Variants in EGFR observed in about 807,000 individuals in gnomAD.
EGFR encodes the protein avian erythroblastic leukemia viral (v-erb-b) oncogene homolog.
Under a neutral mutation model 143.0 loss-of-function variants are expected in EGFR, and 58 were observed. That is an observed-to-expected ratio of 0.41 (90% CI 0.33 to 0.50). The LOEUF (loss-of-function observed/expected upper bound fraction) is 0.50, where lower values mean the gene tolerates loss of function less well. EGFR is among the 20% of genes least tolerant of loss of function. The probability of loss-of-function intolerance (pLI) is 0.39; values close to 1 mark genes in which losing one functional copy is unlikely to be tolerated. For synonymous variants in EGFR, 613 were observed against 594.4 expected, an observed-to-expected ratio of 1.03 and a Z score of -0.45; for missense variants, 1,307 against 1,579.0, an observed-to-expected ratio of 0.83 and a Z score of 2.92.
At chr7:55,070,630 C>A (rs867392821) in intron 1 of EGFR, among the ~76,000 whole-genome samples, 2 of 152,226 alleles carry the variant, frequency 1.3e-5, no homozygotes, top group Non-Finnish European at 2.9e-5. Context: ...ACAGATTAGA[C>A]GACTGGGATG....
At chr7:55,190,086 G>A (rs1433140861) in intron 20 of EGFR, among the ~76,000 whole-genome samples, 3 of 152,144 alleles carry the variant, frequency 2.0e-5, no homozygotes, top group Non-Finnish European at 4.4e-5. Flanking sequence ...CAGGGAGTCT[G>A]GGCCAGTCCT....
chr7:55,190,269 C>A (rs769683791), intron 20 of EGFR, among the ~76,000 whole-genome samples: 1 of 151,978 alleles, frequency 6.6e-6, no homozygotes, highest in African/African-American at 2.4e-5. Flanking sequence ...CCCGTAGGAG[C>A]GCTCTCGGCA....
intron 1 of EGFR, among the ~76,000 whole-genome samples, chr7:55,059,995 G>A (rs991437267): frequency 2.6e-5 from 4 of 152,230 alleles, no homozygotes; most frequent in Non-Finnish European, 5.9e-5. Flanking sequence ...GGTCCTCTCA[G>A]TGTGGACTGG....
At chr7:55,089,108 GTA>G (rs10581499) in intron 1 of EGFR, among the ~76,000 whole-genome samples, 40,730 of 151,906 alleles carry the variant, frequency 0.27, 7,480 homozygotes, top group East Asian at 0.86. Context: ...TTATATTTTT[GTA>G]TATATGAGCT....
chr7:55,200,453 T>A (rs2128970118), intron 24 of EGFR, 40 bp downstream of exon 24: 8 of 1,572,364 alleles, frequency 5.1e-6, no homozygotes, highest in Non-Finnish European at 7.0e-6. Flanking sequence ...GAAGAGTCCC[T>A]CTAATGAGCA....
Position 55,207,141 on chromosome 7 carries a change from T to C in EGFR, c.*1524T>C, listed in dbSNP as rs531507773. The C allele has an allele frequency of 4.3e-6, 1 of 232,686 alleles. No homozygotes were observed. The highest frequency in any genetic ancestry group is 6.1e-5 in the East Asian group (1 of 16,478). The allele number at this position is 232,686 out of a possible 1,614,324, so 14.4% of individuals were successfully genotyped here. On this transcript the variant is annotated 3_prime_UTR_variant, in exon 28 of 28. Transcript: ENST00000275493. ...ACTCTCCTAGTCAATATCCACCCCA[T>C]CCAATTTATCAAGGAAGAAATGGTT...
At chr7:55,124,801 T>C (rs1203993092) in intron 1 of EGFR, among the ~76,000 whole-genome samples, 1 of 152,218 alleles carries the variant, frequency 6.6e-6, no homozygotes, top group Non-Finnish European at 1.5e-5. Context: ...GTGCTCCTAC[T>C]ACCATACTCA....
intron 1 of EGFR, among the ~76,000 whole-genome samples, chr7:55,094,639 C>A (rs536544661): frequency 6.6e-6 from 1 of 152,240 alleles, no homozygotes; most frequent in African/African-American, 2.4e-5. Context: ...TTTCTAACTT[C>A]TCCTTTCACA....
At chr7:55,038,228 TG>T (rs1332207223) in intron 1 of EGFR, among the ~76,000 whole-genome samples, 2 of 152,192 alleles carry the variant, frequency 1.3e-5, no homozygotes, top group African/African-American at 4.8e-5. Context: ...GCCGAGTCCT[TG>T]TGGACCCACA....
intron 1 of EGFR, among the ~76,000 whole-genome samples, chr7:55,046,814 C>T (rs902780464): frequency 1.3e-5 from 2 of 152,122 alleles, no homozygotes; most frequent in African/African-American, 2.4e-5. Context: ...GTCACAATGG[C>T]AATTAGATTT....
intron 1 of EGFR, among the ~76,000 whole-genome samples, chr7:55,055,292 A>T (rs1788742375): frequency 1.3e-5 from 2 of 152,156 alleles, no homozygotes; most frequent in African/African-American, 4.8e-5. Context: ...TTGGTCCAAG[A>T]ATTCTATTAC....
rs748248105 is a variant in EGFR at position 55,182,109 on chromosome 7, G to A, written c.2469+631G>A. The A allele has an allele frequency of 3.6e-4, 57 of 159,342 alleles. 1 individual carries two copies. The highest frequency in any genetic ancestry group is 3.3e-3 in the Middle Eastern group (1 of 304). The allele number at this position is 159,342 out of a possible 1,614,324, so 9.9% of individuals were successfully genotyped here. A position where few individuals can be genotyped will look rare whatever the true frequency, so the allele number is the denominator to read the frequency against. ...AAGCCAGGTATTTCACAGCTGGTGC[G>A]GACCCAGAAAGACTTCTGCTTTTGC... is the stretch of plus-strand genomic sequence containing the variant. On this transcript the variant is annotated intron_variant, in intron 20 of 27. Coordinates refer to ENST00000275493, the MANE Select transcript of EGFR (RefSeq NM_005228.5).
chr7:55,194,772 G>A (rs963862938), intron 22 of EGFR, among the ~76,000 whole-genome samples: 5 of 152,220 alleles, frequency 3.3e-5, no homozygotes, highest in African/African-American at 1.2e-4. Context: ...CAGGAAGTCC[G>A]TTCCCACTGA....
intron 1 of EGFR, among the ~76,000 whole-genome samples, chr7:55,085,526 T>C (rs1341125920): frequency 6.6e-6 from 1 of 152,202 alleles, no homozygotes; most frequent in African/African-American, 2.4e-5. Flanking sequence ...TAAAGTATTA[T>C]CATGAAAACC....
At chr7:55,086,463 GA>G (rs1790766961) in intron 1 of EGFR, among the ~76,000 whole-genome samples, 1 of 152,222 alleles carries the variant, frequency 6.6e-6, no homozygotes, top group Non-Finnish European at 1.5e-5. Context: ...CAGCTTCTTG[GA>G]ATAAGACCAA....
At chr7:55,174,100 G>A (rs1786484780) in intron 18 of EGFR, 57 bp downstream of exon 18, 4 of 1,611,246 alleles carry the variant, frequency 2.5e-6, no homozygotes, top group Non-Finnish European at 3.4e-6. Flanking sequence ...ATGGTCTGGT[G>A]GGGAGCCCAG....
intron 1 of EGFR, among the ~76,000 whole-genome samples, chr7:55,089,804 G>A (rs1217026180): frequency 6.6e-6 from 1 of 152,030 alleles, no homozygotes; most frequent in African/African-American, 2.4e-5. Context: ...GCCAGGCTTG[G>A]AGACCACCAC....
At chr7:55,129,286 C>T (rs1242703096) in intron 1 of EGFR, among the ~76,000 whole-genome samples, 1 of 152,092 alleles carries the variant, frequency 6.6e-6, no homozygotes, top group Non-Finnish European at 1.5e-5. Context: ...GCTGTGGAGG[C>T]GGGGAATCTG....
intron 13 of EGFR, 86 bp downstream of exon 13, chr7:55,161,717 A>AT: frequency 6.2e-7 from 1 of 1,602,680 alleles, no homozygotes; most frequent in East Asian, 2.2e-5. Context: ...ATTCTGTTTG[A>AT]TTTTCTCTTC....
Sources: allele counts gnomAD v4.1 joint callset (sites outside exome capture counted in the v4.1 genomes callset), GRCh38; gene constraint gnomAD v4.1.1; transcripts MANE v1.5; gene names NCBI Gene and HGNC (gene_info 2026-07-23, HGNC 2026-07-21).